The following FBXL14 variants were observed in gnomAD, a reference collection of about 807,000 sequenced individuals.
FBXL14 encodes the protein F-box and leucine rich repeat protein 14.
A neutral mutation model predicts 24.5 loss-of-function variants in FBXL14; 11 were observed. The ratio of observed to expected loss-of-function variants is 0.45; its 90% CI spans 0.28 to 0.74. The LOEUF (loss-of-function observed/expected upper bound fraction) is 0.74. Among genes scored for constraint, FBXL14 ranks in the 30% least tolerant of loss-of-function variants. The pLI is 0.12. For missense variants in FBXL14, 384 were observed against 545.6 expected (o/e 0.70, Z 2.95); for synonymous variants, 294 against 240.4 (o/e 1.22, Z -2.06).
At chr12:1,582,641 T>G (rs142369240) in intron 1 of FBXL14, among the ~76,000 whole-genome samples, 148 of 152,316 alleles carry the variant, frequency 9.7e-4, no homozygotes, top group South Asian at 9.1e-3. Flanking sequence ...ATTTGCCTTA[T>G]GCACAGGCCC....
intron 1 of FBXL14, among the ~76,000 whole-genome samples, chr12:1,591,815 A>C (rs1449513068): frequency 2.6e-5 from 4 of 152,000 alleles, no homozygotes; most frequent in Non-Finnish European, 5.9e-5. Flanking sequence ...TTTTGGGGGG[A>C]AACTTGGAAG....
intron 1 of FBXL14, among the ~76,000 whole-genome samples, chr12:1,588,839 G>A (rs1236589864): frequency 6.6e-6 from 1 of 151,966 alleles, no homozygotes; most frequent in East Asian, 1.9e-4. Context: ...CACGCAAAGT[G>A]TACTATCAAT....
intron 1 of FBXL14, chr12:1,574,734 TG>T (rs2094452587): frequency 1.2e-5 from 2 of 162,616 alleles, no homozygotes; most frequent in South Asian, 3.4e-4. Flanking sequence ...AACAGCTGGA[TG>T]TGGGCAGGAG....
At chr12:1,591,711 G>A (rs1385194635) in intron 1 of FBXL14, among the ~76,000 whole-genome samples, 1 of 152,064 alleles carries the variant, frequency 6.6e-6, no homozygotes, top group Non-Finnish European at 1.5e-5. Context: ...TTTGTTAATA[G>A]AACAGAGATA....
At chr12:1,583,798 T>C (rs753441837) in intron 1 of FBXL14, among the ~76,000 whole-genome samples, 17 of 152,224 alleles carry the variant, frequency 1.1e-4, no homozygotes, top group Non-Finnish European at 5.9e-5. Flanking sequence ...CCTAAAATCA[T>C]GTTCATAAAC....
rs1565580907 is a variant in FBXL14, at chr12:1,569,779, A to G, written c.1195-2969T>C. On this transcript the variant is annotated intron_variant, in intron 1 of 1. Transcript: ENST00000339235. The surrounding 1 kb of genome is among the most constrained non-coding windows in gnomAD (Gnocchi z 4.2). ...GCTCATTTTATGCTGTCCCACAGAA[A>G]AGACTATTGCCAAAGAGCAGAGCCA... Among the ~76,000 whole-genome samples the G allele has an allele frequency of 6.6e-6, 1 of 152,212 alleles. No individual in the cohort carries two copies. The highest frequency in any genetic ancestry group is 2.4e-5 in the African/African-American group (1 of 41,452).
intron 1 of FBXL14, among the ~76,000 whole-genome samples, chr12:1,590,142 C>CT (rs57694174): frequency 0.042 from 6,155 of 147,220 alleles, 196 homozygotes; most frequent in East Asian, 0.09. Flanking sequence ...AGGCTTCACA[C>CT]TTTTTTTTTT....
intron 1 of FBXL14, among the ~76,000 whole-genome samples, chr12:1,568,132 A>G (rs1475339383): frequency 6.6e-6 from 1 of 152,248 alleles, no homozygotes; most frequent in Non-Finnish European, 1.5e-5. Flanking sequence ...GCAGAAAATC[A>G]AAGATAAAGA....
chr12:1,594,129 G>C lies in FBXL14; in HGVS notation c.-63C>G, dbSNP rs1348719923. On this transcript the variant is annotated 5_prime_UTR_variant, in exon 1 of 2. Transcript: ENST00000339235. ...GCGCGGGCCCCGCCGCTCCGGCCTC[G>C]GGCAGGCGACGAGAGCGCTTCTCCC... is the stretch of plus-strand genomic sequence containing the variant. 11 of 1,275,086 alleles carry C rather than the reference G, an allele frequency of 8.6e-6. No individual in the cohort carries two copies. The highest frequency in any genetic ancestry group is 8.9e-6 in the Non-Finnish European group (9 of 1,009,524). 79.0% of individuals were successfully genotyped at this position (1,275,086 alleles called of 1,614,324 possible).
At chr12:1,570,336 C>T (rs1324282617) in intron 1 of FBXL14, among the ~76,000 whole-genome samples, 1 of 152,194 alleles carries the variant, frequency 6.6e-6, no homozygotes, top group Non-Finnish European at 1.5e-5. Context: ...AACATGTGTC[C>T]TTATACAACG....
intron 1 of FBXL14, among the ~76,000 whole-genome samples, chr12:1,577,772 G>T (rs1244690201): frequency 1.3e-5 from 2 of 152,250 alleles, no homozygotes; most frequent in African/African-American, 4.8e-5. Flanking sequence ...GGTGAAACAG[G>T]TAAGTATGCC....
At chr12:1,571,028 G>A (rs1210398693) in intron 1 of FBXL14, among the ~76,000 whole-genome samples, 1 of 152,184 alleles carries the variant, frequency 6.6e-6, no homozygotes, top group Non-Finnish European at 1.5e-5. Flanking sequence ...TGTGTGGCAT[G>A]TGTTTATCAC....
rs1034620674 is a variant in FBXL14, at chr12:1,567,977, A to G, written c.1195-1167T>C. ...GTGTAGCATGTGTAATGGGAATACC[A>G]GGAGGAGGAGAAAGAAGAAATACTT... On this transcript the variant is annotated intron_variant, in intron 1 of 1. Transcript: ENST00000339235. The surrounding 1 kb of genome is among the most constrained non-coding windows in gnomAD (Gnocchi z 4.8). Among the ~76,000 whole-genome samples the G allele has an allele frequency of 5.3e-5, 8 of 152,290 alleles. No individual in the cohort carries two copies. Among genetic ancestry groups the G allele is most frequent in the African/African-American group, 1.9e-4 (8 of 41,478 alleles).
At chr12:1,568,100 C>T (rs536390496) in intron 1 of FBXL14, among the ~76,000 whole-genome samples, 5 of 152,246 alleles carry the variant, frequency 3.3e-5, no homozygotes, top group African/African-American at 9.6e-5. Context: ...AAAACTACAC[C>T]TGGGCATATC....
chr12:1,580,359 C>G (rs778220397), intron 1 of FBXL14, among the ~76,000 whole-genome samples: 2 of 152,174 alleles, frequency 1.3e-5, no homozygotes, highest in Non-Finnish European at 2.9e-5. Flanking sequence ...TAAATGGGGT[C>G]AGAAAAGGAC....
chr12:1,587,276 G>T (rs1371146537), intron 1 of FBXL14: 2 of 150,532 alleles, frequency 1.3e-5, no homozygotes, highest in Non-Finnish European at 3.0e-5. Flanking sequence ...TGAAGTAGAA[G>T]AGTAATGAAA....
chr12:1,576,675 G>A (rs1386264888), intron 1 of FBXL14, among the ~76,000 whole-genome samples: 3 of 152,132 alleles, frequency 2.0e-5, no homozygotes, highest in African/African-American at 7.2e-5. Flanking sequence ...ATCAGGCTGT[G>A]GGTTGGGCGC....
chr12:1,568,137 TAAAGAA>T (rs2094439334), intron 1 of FBXL14, among the ~76,000 whole-genome samples: 1 of 151,814 alleles, frequency 6.6e-6, no homozygotes, highest in South Asian at 2.1e-4. Context: ...AAATCAAAGA[TAAAGAA>T]AAAGTCCTGG....
intron 1 of FBXL14, among the ~76,000 whole-genome samples, chr12:1,584,480 G>A (rs2094472702): frequency 6.6e-6 from 1 of 152,110 alleles, no homozygotes. Flanking sequence ...AGAGAGGCCA[G>A]CTGCCTTCCT....
Sources: allele counts gnomAD v4.1 joint callset (sites outside exome capture counted in the v4.1 genomes callset), GRCh38; gene constraint gnomAD v4.1.1; non-coding constraint Gnocchi (gnomAD v3.1); transcripts MANE v1.5; gene names NCBI Gene and HGNC (gene_info 2026-07-23, HGNC 2026-07-21).